SCEL: variants seen among roughly 807,000 people sequenced by gnomAD.
The protein encoded by SCEL is sciellin.
Under a neutral mutation model 117.6 loss-of-function variants are expected in SCEL, and 113 were observed. The observed-to-expected ratio is 0.96, with a 90% CI of 0.83 to 1.12. The LOEUF is 1.12. Among genes scored for constraint, SCEL ranks in the 50% most tolerant of loss-of-function variants. The probability of loss-of-function intolerance (pLI) is 0.00; values close to 1 mark genes in which losing one functional copy is unlikely to be tolerated. For missense variants in SCEL, 785 were observed against 810.8 expected (o/e 0.97, Z 0.39); for synonymous variants, 270 against 256.2 (o/e 1.05, Z -0.51).
intron 1 of SCEL, among the ~76,000 whole-genome samples, chr13:77,537,079 TG>T (rs1364226053): frequency 1.3e-5 from 2 of 152,210 alleles, no homozygotes; most frequent in Non-Finnish European, 2.9e-5. Flanking sequence ...AACATCAATT[TG>T]AGAAAACTGA....
chr13:77,567,166 A>G (rs77793372), intron 5 of SCEL, among the ~76,000 whole-genome samples: 3,776 of 152,316 alleles, frequency 0.025, 159 homozygotes, highest in East Asian at 0.13. Context: ...AACACTTAAA[A>G]TTTCAGGCTG....
intron 4 of SCEL, among the ~76,000 whole-genome samples, chr13:77,561,196 T>C (rs2084957383): frequency 6.6e-6 from 1 of 152,234 alleles, no homozygotes; most frequent in Non-Finnish European, 1.5e-5. Context: ...TCTATGTTAC[T>C]CACCTTTCTC....
intron 1 of SCEL, among the ~76,000 whole-genome samples, chr13:77,547,540 C>T (rs532640310): frequency 6.6e-6 from 1 of 152,192 alleles, no homozygotes; most frequent in Non-Finnish European, 1.5e-5. Context: ...CCCTCACTCT[C>T]TCATCCTCTG....
intron 10 of SCEL, 127 bp downstream of exon 10, chr13:77,589,351 T>A: frequency 1.7e-6 from 1 of 579,402 alleles, no homozygotes; most frequent in Non-Finnish European, 3.0e-6. Flanking sequence ...GAAGCGCCTG[T>A]AGAACTTTTT....
intron 3 of SCEL, among the ~76,000 whole-genome samples, chr13:77,558,850 G>A (rs1026809479): frequency 6.7e-6 from 1 of 148,696 alleles, no homozygotes; most frequent in African/African-American, 2.5e-5. Context: ...AGGTACCAGA[G>A]TGTTAAGTAA....
chr13:77,605,161 A>T (rs1371129866), intron 19 of SCEL, among the ~76,000 whole-genome samples: 1 of 152,238 alleles, frequency 6.6e-6, no homozygotes, highest in African/African-American at 2.4e-5. Flanking sequence ...AAACAATTGC[A>T]TGTAGTTTCC....
chr13:77,585,131 T>C (rs2086489730), intron 9 of SCEL, among the ~76,000 whole-genome samples: 1 of 152,260 alleles, frequency 6.6e-6, no homozygotes, highest in Non-Finnish European at 1.5e-5. Flanking sequence ...AATCACTTCC[T>C]CCTTCATTCT....
At chr13:77,539,468 C>T (rs754596967) in intron 1 of SCEL, among the ~76,000 whole-genome samples, 2 of 151,952 alleles carry the variant, frequency 1.3e-5, no homozygotes, top group East Asian at 1.9e-4. Flanking sequence ...TCTTCCCAAA[C>T]TCTTTTTATA....
chr13:77,618,993 C>G (rs1206212316), intron 27 of SCEL, among the ~76,000 whole-genome samples: 1 of 152,144 alleles, frequency 6.6e-6, no homozygotes, highest in Non-Finnish European at 1.5e-5. Flanking sequence ...ACATAAACTG[C>G]TTTATTAATG....
chr13:77,636,890 C>T (rs1044876479), intron 29 of SCEL, among the ~76,000 whole-genome samples: 1 of 152,034 alleles, frequency 6.6e-6, no homozygotes, highest in African/African-American at 2.4e-5. Flanking sequence ...CACACTTGTT[C>T]CTGTATTCCT....
chr13:77,596,448 CTAAA>C (rs1567396075), intron 12 of SCEL, among the ~76,000 whole-genome samples: 2 of 152,014 alleles, frequency 1.3e-5, no homozygotes, highest in African/African-American at 4.8e-5. Context: ...AGGCATTGTG[CTAAA>C]TACTTTATAT....
At chr13:77,615,589 A>G in intron 24 of SCEL, among the ~76,000 whole-genome samples, 1 of 152,168 alleles carries the variant, frequency 6.6e-6, no homozygotes, top group South Asian at 2.1e-4. Context: ...CCTTTACTAC[A>G]TTCTTAAAGC....
chr13:77,633,442 C>CAAAAAA lies in SCEL; in HGVS notation c.1692-918_1692-913dup, dbSNP rs59939208. 1.1e-3 allele frequency among the ~76,000 whole-genome samples: 34 copies of CAAAAAA among 30,010 alleles called. 1 individual carries two copies. The highest frequency in any genetic ancestry group is 4.7e-3 in the East Asian group (2 of 422). 19.7% of individuals were successfully genotyped at this position (30,010 alleles called of 152,430 possible). A position where few individuals can be genotyped will look rare whatever the true frequency, so the allele number is the denominator to read the frequency against. ...TGGGCGACAGAGCGAGACTCCGCCT[C>CAAAAAA]AAAAAAAAAAAAAAAAAAAAAAAAG... On this transcript the variant is annotated intron_variant, in intron 28 of 32. Transcript: ENST00000349847.
intron 4 of SCEL, among the ~76,000 whole-genome samples, chr13:77,560,432 G>A (rs549253590): frequency 2.0e-4 from 31 of 152,210 alleles, no homozygotes; most frequent in African/African-American, 7.2e-4. Context: ...AGAAGACCCT[G>A]TTTCTCAAAC....
chr13:77,637,385 T>TATATAAACATATATAC (rs2090349510), intron 30 of SCEL, among the ~76,000 whole-genome samples, 191 bp downstream of exon 30: 1 of 127,550 alleles, frequency 7.8e-6, no homozygotes, highest in Non-Finnish European at 1.6e-5. Context: ...CATATATACA[T>TATATAAACATATATAC]ATATAAATAT....
chr13:77,633,367 C>T (rs1288860058), intron 28 of SCEL, among the ~76,000 whole-genome samples: 1 of 138,814 alleles, frequency 7.2e-6, no homozygotes, highest in Non-Finnish European at 1.5e-5. Flanking sequence ...ACCCGGGAAG[C>T]GGAGCTTGCA....
chr13:77,568,305 A>ATGTTTAGATCACTGGAAG lies in SCEL; in HGVS notation c.372_389dup (p.Phe125_Val130dup). On this transcript the variant is annotated inframe_insertion, in exon 7 of 33. Transcript: ENST00000349847. Reference sequence around the variant, plus strand: ...TTTCTCTCTTACCAGGAGCATGTCCATGTTTAGATCACTGGAAGTAACAAA... The same window carrying ATGTTTAGATCACTGGAAG: ...TTTCTCTCTTACCAGGAGCATGTCCATGTTTAGATCACTGGAAGTGTTTAGATCACTGGAAGTAACAAA... 1.3e-6 allele frequency: 2 copies of ATGTTTAGATCACTGGAAG among 1,568,810 alleles called. No individual in the cohort carries two copies. Among genetic ancestry groups the ATGTTTAGATCACTGGAAG allele is most frequent in the Non-Finnish European group, 1.7e-6 (2 of 1,143,770 alleles).
chr13:77,546,360 G>T (rs1185748562), intron 1 of SCEL, among the ~76,000 whole-genome samples: 1 of 152,154 alleles, frequency 6.6e-6, no homozygotes, highest in Non-Finnish European at 1.5e-5. Flanking sequence ...CCTAACTGCA[G>T]TTTCTGATTC....
rs757341940 is a variant in SCEL, at chr13:77,572,108, T to C, written c.480-16T>C. On this transcript the variant is annotated splice_polypyrimidine_tract_variant and intron_variant, in intron 8 of 32. Coordinates refer to ENST00000349847, the MANE Select transcript of SCEL (RefSeq NM_144777.3). ...CTTTCAATCACAATGTTTATTACCG[T>C]GTCATTTCTTAACAGGCAGTCCTGG... 29 of 1,607,984 alleles carry C rather than the reference T, an allele frequency of 1.8e-5. No homozygotes were observed. The highest frequency in any genetic ancestry group is 7.7e-5 in the South Asian group (7 of 90,920).
Sources: gnomAD v4.1 joint callset for allele counts (sites outside exome capture counted in the v4.1 genomes callset) on GRCh38, gnomAD v4.1.1 for gene constraint, MANE v1.5 for transcripts, NCBI Gene and HGNC (gene_info 2026-07-23, HGNC 2026-07-21) for gene names.